The following RAPGEF5 variants were observed in gnomAD, a reference collection of about 807,000 sequenced individuals.
RAPGEF5 encodes M-Ras-regulated GEF.
In RAPGEF5, 65 loss-of-function variants were observed where a neutral mutation model predicts 125.2. The ratio of observed to expected loss-of-function variants is 0.52; its 90% confidence interval spans 0.43 to 0.64. The LOEUF (loss-of-function observed/expected upper bound fraction) is 0.64. Ranked by LOEUF, RAPGEF5 falls within the 30% of genes least tolerant of loss-of-function variation. The pLI is 0.00. For missense variants in RAPGEF5, 958 were observed against 1,048.1 expected, an observed-to-expected ratio of 0.91 and a Z score of 1.19; for synonymous variants, 391 against 385.9, an observed-to-expected ratio of 1.01 and a Z score of -0.16.
intron 1 of RAPGEF5, among the ~76,000 whole-genome samples, chr7:22,338,752 G>A (rs1784070952): frequency 6.6e-6 from 1 of 152,164 alleles, no homozygotes; most frequent in Non-Finnish European, 1.5e-5. Context: ...TTCTTCACAT[G>A]CTGCATTCAT....
At position 22,162,080 on chromosome 7, in the gene RAPGEF5, T is replaced by G. The variant is rs188714303; in HGVS notation, c.1428+317A>C. ...ATAGTTTTTAAATGATAAATAATGT[T>G]TTATGCAAATATTACATATAGAGGA... On this transcript the variant is annotated intron_variant, in intron 13 of 25. Transcript: ENST00000665637. Among the ~76,000 whole-genome samples, 23 of 152,354 alleles carry G rather than the reference T, an allele frequency of 1.5e-4. No individual in the cohort carries two copies. In the East Asian group the frequency reaches 3.9e-3, roughly 26 times the overall value.
At chr7:22,272,109 C>T (rs936934041) in intron 6 of RAPGEF5, among the ~76,000 whole-genome samples, 3 of 151,690 alleles carry the variant, frequency 2.0e-5, no homozygotes, top group Admixed American at 6.6e-5. Context: ...TTTGGGAGGT[C>T]GAGGTGGGCA....
intron 6 of RAPGEF5, among the ~76,000 whole-genome samples, chr7:22,289,421 A>G (rs1052103264): frequency 6.6e-6 from 1 of 152,212 alleles, no homozygotes; most frequent in Non-Finnish European, 1.5e-5. Context: ...AAGCTTTCGT[A>G]TCTATAAAAT....
intron 7 of RAPGEF5, among the ~76,000 whole-genome samples, chr7:22,247,094 C>T (rs1473125044): frequency 6.6e-6 from 1 of 152,164 alleles, no homozygotes; most frequent in Non-Finnish European, 1.5e-5. Context: ...GCTGGCAAGA[C>T]TGCAGAGAAA....
intron 9 of RAPGEF5, among the ~76,000 whole-genome samples, chr7:22,198,244 C>G (rs1453134510): frequency 1.3e-5 from 2 of 152,150 alleles, no homozygotes; most frequent in African/African-American, 4.8e-5. Flanking sequence ...GGCGCTCTTC[C>G]TAAGGAGGGA....
At chr7:22,145,379 G>A in intron 19 of RAPGEF5, 157 bp from the exon 20 acceptor site, 1 of 681,686 alleles carries the variant, frequency 1.5e-6, no homozygotes, top group Non-Finnish European at 2.3e-6. Context: ...AATTCAAAAT[G>A]AGTTAGTTTT....
chr7:22,322,954 G>C (rs1414901267), intron 1 of RAPGEF5, among the ~76,000 whole-genome samples: 3 of 152,224 alleles, frequency 2.0e-5, no homozygotes, highest in African/African-American at 7.2e-5. Flanking sequence ...GCACTGCTCA[G>C]ACATCGCCTC....
chr7:22,302,212 G>C (rs917169255), intron 5 of RAPGEF5, among the ~76,000 whole-genome samples: 1 of 152,238 alleles, frequency 6.6e-6, no homozygotes, highest in Non-Finnish European at 1.5e-5. Flanking sequence ...GGACTTTTCA[G>C]AAGTGTCAGC....
intron 23 of RAPGEF5, 122 bp downstream of exon 23, chr7:22,135,916 G>T: frequency 1.5e-6 from 1 of 680,312 alleles, no homozygotes; most frequent in South Asian, 2.2e-5. Flanking sequence ...AACACAATTA[G>T]GTCTGAATGT....
intron 24 of RAPGEF5, among the ~76,000 whole-genome samples, chr7:22,126,869 C>A (rs1305624770): frequency 1.3e-5 from 2 of 152,110 alleles, no homozygotes; most frequent in African/African-American, 4.8e-5. Context: ...ATAATCCAAC[C>A]AAATTGGCCT....
At chr7:22,307,753 G>A (rs987463167) in intron 5 of RAPGEF5, among the ~76,000 whole-genome samples, 6 of 152,142 alleles carry the variant, frequency 3.9e-5, no homozygotes, top group African/African-American at 7.2e-5. Flanking sequence ...GTTTTTAACT[G>A]AAATTTTAAT....
chr7:22,166,594 T>A (rs993524617), intron 12 of RAPGEF5, among the ~76,000 whole-genome samples: 12 of 152,214 alleles, frequency 7.9e-5, no homozygotes, highest in Non-Finnish European at 1.6e-4. Flanking sequence ...ATTCCAGGGG[T>A]TAGGTTCGAC....
At chr7:22,267,354 A>G (rs959849652) in intron 6 of RAPGEF5, among the ~76,000 whole-genome samples, 1 of 152,210 alleles carries the variant, frequency 6.6e-6, no homozygotes, top group African/African-American at 2.4e-5. Flanking sequence ...ATTAAAATAT[A>G]CATGATACCA....
intron 23 of RAPGEF5, among the ~76,000 whole-genome samples, chr7:22,132,652 C>T (rs2128100294): frequency 6.6e-6 from 1 of 152,308 alleles, no homozygotes; most frequent in Non-Finnish European, 1.5e-5. Flanking sequence ...TCCAAGAATT[C>T]CAGATTCCAC....
intron 20 of RAPGEF5, among the ~76,000 whole-genome samples, chr7:22,143,250 G>T (rs1783322548): frequency 6.6e-6 from 1 of 152,142 alleles, no homozygotes; most frequent in African/African-American, 2.4e-5. Flanking sequence ...GGCAGATCTT[G>T]TTATCTATCC....
intron 9 of RAPGEF5, among the ~76,000 whole-genome samples, chr7:22,198,292 G>A (rs1294969658): frequency 6.6e-6 from 1 of 152,216 alleles, no homozygotes; most frequent in African/African-American, 2.4e-5. Context: ...ACTCCACAGG[G>A]CACTGGCCTG....
rs147001634 is a variant in RAPGEF5, at chr7:22,282,470, C to T, written c.747+8705G>A. Among the ~76,000 whole-genome samples the T allele has an allele frequency of 2.6e-3, 396 of 152,298 alleles. 2 individuals are homozygous for T. The highest frequency in any genetic ancestry group is 4.6e-3 in the Non-Finnish European group (316 of 68,034). On this transcript the variant is annotated intron_variant, in intron 6 of 25. Coordinates refer to ENST00000665637, the MANE Select transcript of RAPGEF5 (RefSeq NM_012294.5). ...GAGAATTCCACAATCACATTCCCTA[C>T]CCAACCTGTTAAAATCTATTCAGTA... is the stretch of plus-strand genomic sequence containing the variant.
At position 22,133,679 on chromosome 7, in the gene RAPGEF5, T is replaced by C. The variant is rs192774354; in HGVS notation, c.2416+2359A>G. On this transcript the variant is annotated intron_variant, in intron 23 of 25. Transcript: ENST00000665637. ...GAAACCCACCACAGGAACCCCAGTT[T>C]ATCCTCAAACAACTAGATGATTCAC... Among the ~76,000 whole-genome samples, 100 of 152,286 alleles carry C rather than the reference T, an allele frequency of 6.6e-4. 1 individual carries two copies. The highest frequency in any genetic ancestry group is 4.5e-3 in the Admixed American group (69 of 15,298).
At position 22,309,924 on chromosome 7, in the gene RAPGEF5, G is replaced by C. The variant is rs760687796; in HGVS notation, c.511+45C>G. 7.9e-6 allele frequency: 12 copies of C among 1,516,854 alleles called. No individual in the cohort carries two copies. In the African/African-American group the frequency reaches 1.5e-4, roughly 18 times the overall value. The allele number at this position is 1,516,854 out of a possible 1,614,324, so 94.0% of individuals were successfully genotyped here. A position where few individuals can be genotyped will look rare whatever the true frequency, so the allele number is the denominator to read the frequency against. ...AAATCAAGTGTATTTTCATCTGATA[G>C]CTTAATAAAATAATGATGCTGTGCC... On this transcript the variant is annotated intron_variant, in intron 4 of 25. Coordinates refer to ENST00000665637, the MANE Select transcript of RAPGEF5 (RefSeq NM_012294.5).
Sources: allele counts gnomAD v4.1 joint callset (sites outside exome capture counted in the v4.1 genomes callset), GRCh38; gene constraint gnomAD v4.1.1; transcripts MANE v1.5; gene names NCBI Gene and HGNC (gene_info 2026-07-23, HGNC 2026-07-21).